BMPR1B: variants seen among roughly 807,000 people sequenced by gnomAD.
BMPR1B encodes bone morphogenetic protein receptor type-1B.
Under a neutral mutation model 59.1 loss-of-function variants are expected in BMPR1B, and 12 were observed. The observed-to-expected ratio is 0.20, with a 90% CI of 0.13 to 0.33. BMPR1B has a LOEUF of 0.33. BMPR1B is among the 10% of genes least tolerant of loss of function. BMPR1B has a pLI of 1.00. For missense variants in BMPR1B, 550 were observed against 610.9 expected, an observed-to-expected ratio of 0.90 and a Z score of 1.05; for synonymous variants, 237 against 207.3, an observed-to-expected ratio of 1.14 and a Z score of -1.23.
At chr4:94,953,292 A>T (rs1730018280) in intron 2 of BMPR1B, among the ~76,000 whole-genome samples, 1 of 152,114 alleles carries the variant, frequency 6.6e-6, no homozygotes, top group Admixed American at 6.5e-5. Flanking sequence ...TGTGATTTTG[A>T]TCCTGTCATT....
intron 3 of BMPR1B, among the ~76,000 whole-genome samples, chr4:95,032,469 A>T (rs773470293): frequency 3.9e-5 from 6 of 152,110 alleles, no homozygotes; most frequent in Non-Finnish European, 8.8e-5. Context: ...ATGAATTTTG[A>T]AGGGACACAA....
intron 2 of BMPR1B, among the ~76,000 whole-genome samples, chr4:94,931,547 C>T (rs529525240): frequency 1.5e-4 from 23 of 152,196 alleles, no homozygotes; most frequent in Non-Finnish European, 2.6e-4. Context: ...CCTCTGCCTG[C>T]AGCTTCTACT....
chr4:95,091,014 G>A (rs1398612342), intron 3 of BMPR1B, among the ~76,000 whole-genome samples: 1 of 152,062 alleles, frequency 6.6e-6, no homozygotes, highest in Non-Finnish European at 1.5e-5. Context: ...AAATGTTTGT[G>A]TAGTTGATTG....
chr4:94,799,420 C>G (rs549153910), intron 1 of BMPR1B, among the ~76,000 whole-genome samples: 86 of 151,152 alleles, frequency 5.7e-4, no homozygotes, highest in African/African-American at 2.1e-3. Context: ...TCCTCTGTCT[C>G]AGCCTCCCAA....
chr4:95,037,379 C>T (rs992157837), intron 3 of BMPR1B, among the ~76,000 whole-genome samples: 7 of 152,052 alleles, frequency 4.6e-5, no homozygotes, highest in South Asian at 2.1e-4. Context: ...TGATGTAAAC[C>T]GAAGCCCTGA....
chr4:94,873,410 CTT>C (rs35696562), intron 1 of BMPR1B, among the ~76,000 whole-genome samples: 12 of 139,524 alleles, frequency 8.6e-5, no homozygotes, highest in Non-Finnish European at 7.8e-5. Context: ...GCTATGAATT[CTT>C]TTTTTTTTTT....
At chr4:95,135,775 G>A (rs183455858) in intron 10 of BMPR1B, among the ~76,000 whole-genome samples, 1,665 of 152,164 alleles carry the variant, frequency 0.011, 14 homozygotes, top group Non-Finnish European at 0.014. Context: ...GAGATGATGG[G>A]GTTTTCTAGA....
intron 2 of BMPR1B, among the ~76,000 whole-genome samples, chr4:94,933,016 C>T (rs530112771): frequency 6.6e-6 from 1 of 152,106 alleles, no homozygotes; most frequent in South Asian, 2.1e-4. Flanking sequence ...GTGTTTTGTT[C>T]CACTACCCAA....
intron 3 of BMPR1B, among the ~76,000 whole-genome samples, chr4:95,041,891 G>C (rs1725681690): frequency 6.6e-6 from 1 of 151,292 alleles, no homozygotes; most frequent in Admixed American, 6.6e-5. Flanking sequence ...GTCTTGCTCT[G>C]TCGCCCAGGC....
chr4:94,925,746 A>G (rs1037709268), intron 2 of BMPR1B, among the ~76,000 whole-genome samples: 9 of 152,156 alleles, frequency 5.9e-5, no homozygotes, highest in Non-Finnish European at 7.3e-5. Flanking sequence ...GACTTGAACC[A>G]ACTATTCAAA....
intron 1 of BMPR1B, among the ~76,000 whole-genome samples, chr4:94,787,379 T>C (rs1434593638): frequency 6.6e-6 from 1 of 152,210 alleles, no homozygotes; most frequent in African/African-American, 2.4e-5. Flanking sequence ...ATTTAAGAAA[T>C]GGCATCTCCG....
chr4:95,150,233 C>T (rs553296684), intron 11 of BMPR1B, among the ~76,000 whole-genome samples: 3 of 152,270 alleles, frequency 2.0e-5, no homozygotes, highest in East Asian at 1.9e-4. Context: ...GAAATTTTCT[C>T]TAACCAGATA....
In BMPR1B at chr4:94,946,898, A is replaced by G. The variant is rs1465091700; in HGVS notation, c.-112-49142A>G. On this transcript the variant is annotated intron_variant, in intron 2 of 12. Transcript: ENST00000515059. ...AAACCCCATCTCTACCAAAAATACAAAAAATTAGCCAGGTGTGGTGGCGAG... is the reference window on the plus strand; with the variant it reads ...AAACCCCATCTCTACCAAAAATACAGAAAATTAGCCAGGTGTGGTGGCGAG... Among the ~76,000 whole-genome samples, 3 of 152,020 alleles carry G rather than the reference A, an allele frequency of 2.0e-5. No individual in the cohort carries two copies. The East Asian group carries it at 5.8e-4, about 29-fold the overall frequency.
chr4:95,151,392 T>G (rs183494075), intron 11 of BMPR1B, among the ~76,000 whole-genome samples: 1 of 152,320 alleles, frequency 6.6e-6, no homozygotes, highest in Admixed American at 6.5e-5. Flanking sequence ...TTCAGGCTGT[T>G]TCCAGGGCCA....
intron 1 of BMPR1B, among the ~76,000 whole-genome samples, chr4:94,840,671 T>G (rs1220375798): frequency 6.8e-6 from 1 of 146,580 alleles, no homozygotes; most frequent in Non-Finnish European, 1.5e-5. Context: ...CTTCTAAATT[T>G]TTTTCAAAGT....
intron 1 of BMPR1B, among the ~76,000 whole-genome samples, chr4:94,826,138 G>T (rs1578686794): frequency 6.6e-6 from 1 of 152,142 alleles, no homozygotes; most frequent in African/African-American, 2.4e-5. Flanking sequence ...TGACAGAATG[G>T]TACTTAATGT....
intron 5 of BMPR1B, 66 bp from the exon 6 acceptor site, chr4:95,115,618 AG>A (rs1298241610): frequency 1.5e-5 from 20 of 1,327,624 alleles, no homozygotes; most frequent in Non-Finnish European, 2.2e-5. Context: ...CTATTTTTAA[AG>A]TTTTAGATGA....
At chr4:94,769,813 T>C (rs879397751) in intron 1 of BMPR1B, among the ~76,000 whole-genome samples, 3 of 152,216 alleles carry the variant, frequency 2.0e-5, no homozygotes, top group Non-Finnish European at 2.9e-5. Flanking sequence ...CGATTTTACT[T>C]TTAAAATTTG....
chr4:94,954,521 C>T (rs1432321983), intron 2 of BMPR1B, among the ~76,000 whole-genome samples: 1 of 152,160 alleles, frequency 6.6e-6, no homozygotes, highest in Non-Finnish European at 1.5e-5. Context: ...GTGGAATGCA[C>T]AACCACCTTT....
Sources: gnomAD v4.1 joint callset for allele counts (sites outside exome capture counted in the v4.1 genomes callset) on GRCh38, gnomAD v4.1.1 for gene constraint, MANE v1.5 for transcripts, NCBI Gene and HGNC (gene_info 2026-07-23, HGNC 2026-07-21) for gene names.